Variants in GDPD1 observed in about 807,000 individuals in gnomAD.
GDPD1 encodes the protein glycerophosphodiester phosphodiesterase domain containing 1.
GDPD1 carries 28 observed loss-of-function variants against 45.1 expected under a neutral mutation model. The ratio of observed to expected loss-of-function variants is 0.62; its 90% CI spans 0.46 to 0.85. The LOEUF is 0.85. Ranked by LOEUF, GDPD1 falls within the 40% of genes least tolerant of loss-of-function variation. The pLI, the probability that GDPD1 is intolerant of heterozygous loss-of-function variation, is 0.00. For synonymous variants in GDPD1, 139 were observed against 131.4 expected (o/e 1.06, Z -0.40); for missense variants, 256 against 364.8 (o/e 0.70, Z 2.43).
chr17:59,268,989 CA>C (rs199497488), intron 7 of GDPD1, among the ~76,000 whole-genome samples: 1 of 150,500 alleles, frequency 6.6e-6, no homozygotes, highest in African/African-American at 2.4e-5. Context: ...GACTCCTTCT[CA>C]AAAAAAAATA....
intron 4 of GDPD1, among the ~76,000 whole-genome samples, chr17:59,256,770 C>T (rs1433083353): frequency 6.6e-6 from 1 of 152,050 alleles, no homozygotes; most frequent in Non-Finnish European, 1.5e-5. Context: ...TTATTTCTTA[C>T]AATTGATTGT....
chr17:59,225,155 G>GTT (rs1444399620), intron 1 of GDPD1, among the ~76,000 whole-genome samples: 1 of 133,224 alleles, frequency 7.5e-6, no homozygotes, highest in Non-Finnish European at 1.5e-5. Flanking sequence ...CCAGTGGTAT[G>GTT]ATCTCGGCTC....
intron 9 of GDPD1, 85 bp downstream of exon 9, chr17:59,272,921 T>A: frequency 6.2e-7 from 1 of 1,610,614 alleles, no homozygotes; most frequent in South Asian, 1.1e-5. Flanking sequence ...TTTAACTGAC[T>A]TAGTTTGGCC....
chr17:59,262,566 A>C (rs1450615571), intron 6 of GDPD1, among the ~76,000 whole-genome samples: 2 of 151,938 alleles, frequency 1.3e-5, no homozygotes, highest in Admixed American at 1.3e-4. Flanking sequence ...GGTAGGGTAG[A>C]GAGTGGGTAC....
At chr17:59,247,297 C>G (rs2047219706) in intron 3 of GDPD1, among the ~76,000 whole-genome samples, 1 of 152,074 alleles carries the variant, frequency 6.6e-6, no homozygotes, top group Non-Finnish European at 1.5e-5. Flanking sequence ...TGGTTTTGGA[C>G]AAATTTATAA....
At chr17:59,248,864 A>ATGAC in intron 4 of GDPD1, 79 bp downstream of exon 4, 1 of 1,022,204 alleles carries the variant, frequency 9.8e-7, no homozygotes, top group Non-Finnish European at 1.5e-6. Context: ...AGTTCTTACT[A>ATGAC]AAAGTAACTG....
At chr17:59,223,756 G>C (rs1401611147) in intron 1 of GDPD1, among the ~76,000 whole-genome samples, 1 of 152,114 alleles carries the variant, frequency 6.6e-6, no homozygotes, top group Non-Finnish European at 1.5e-5. Context: ...TCTATTTCTA[G>C]AATATTATGT....
chr17:59,253,571 C>T (rs1483557471), intron 4 of GDPD1, among the ~76,000 whole-genome samples: 1 of 152,142 alleles, frequency 6.6e-6, no homozygotes, highest in Non-Finnish European at 1.5e-5. Flanking sequence ...TTTTCTCATT[C>T]TCTCGCTGTT....
In GDPD1 at chr17:59,259,878, T is replaced by TGAG. The variant is rs1336052611; in HGVS notation, c.576+2041_576+2043dup. On this transcript the variant is annotated intron_variant, in intron 6 of 9. Transcript: ENST00000284116. ...GAGTTTGAGACCAGCCTAGGGAACA[T>TGAG]GAGGAAACCCCATCTCTACTAAAAA... 1.1e-4 allele frequency among the ~76,000 whole-genome samples: 17 copies of TGAG among 150,300 alleles called. 1 individual carries two copies. The South Asian group carries it at 2.1e-3, about 19-fold the overall frequency.
intron 2 of GDPD1, among the ~76,000 whole-genome samples, chr17:59,236,807 A>G (rs1597968480): frequency 6.6e-6 from 1 of 151,838 alleles, no homozygotes; most frequent in East Asian, 2.0e-4. Context: ...ACCGCACCCA[A>G]CCTTTCATAT....
At chr17:59,234,735 A>G (rs956444849) in intron 2 of GDPD1, among the ~76,000 whole-genome samples, 11 of 152,162 alleles carry the variant, frequency 7.2e-5, no homozygotes, top group African/African-American at 2.7e-4. Flanking sequence ...TTACTGAAAA[A>G]GCAGATGGGA....
intron 2 of GDPD1, 78 bp from the exon 3 acceptor site, chr17:59,245,334 ACT>A (rs1360499588): frequency 3.6e-6 from 4 of 1,103,426 alleles, no homozygotes; most frequent in African/African-American, 3.2e-5. Flanking sequence ...TGGATTTGTA[ACT>A]CTGAATTGTT....
At chr17:59,273,116 T>G (rs1326183641) in intron 9 of GDPD1, 3 of 259,892 alleles carry the variant, frequency 1.2e-5, no homozygotes, top group Admixed American at 5.7e-5. Flanking sequence ...TATGTATATT[T>G]CTTTTTTTAC....
chr17:59,269,921 G>T lies in GDPD1; in HGVS notation c.711-1015G>T, dbSNP rs183766939. 9.2e-5 allele frequency among the ~76,000 whole-genome samples: 14 copies of T among 152,142 alleles called. No individual in the cohort carries two copies. In the East Asian group the frequency reaches 2.7e-3, roughly 29 times the overall value. The stretch of plus-strand genomic sequence containing the variant: ...TATTTATCTTCATATGTTCCTTTTA[G>T]AAGCAAATATTGTTGAAATACAGAC... On this transcript the variant is annotated intron_variant, in intron 7 of 9. Coordinates refer to ENST00000284116, the MANE Select transcript of GDPD1 (RefSeq NM_182569.4).
chr17:59,245,629 C>CA (rs1172331800), intron 3 of GDPD1, 80 bp downstream of exon 3: 2 of 1,031,240 alleles, frequency 1.9e-6, no homozygotes, highest in Admixed American at 2.6e-5. Flanking sequence ...CGAATATCAG[C>CA]AAAAAATTTC....
intron 4 of GDPD1, among the ~76,000 whole-genome samples, chr17:59,250,848 C>T (rs917853981): frequency 3.3e-5 from 5 of 151,950 alleles, no homozygotes; most frequent in Non-Finnish European, 5.9e-5. Context: ...TACAGGTACC[C>T]GCCACCATAC....
chr17:59,272,705 C>A, intron 8 of GDPD1, 80 bp from the exon 9 acceptor site: 1 of 810,238 alleles, frequency 1.2e-6, no homozygotes, highest in South Asian at 1.4e-5. Flanking sequence ...TTAAATTAAA[C>A]TGGAATTACT....
chr17:59,250,578 T>C (rs1568344903), intron 4 of GDPD1, among the ~76,000 whole-genome samples: 1 of 142,402 alleles, frequency 7.0e-6, no homozygotes, highest in Non-Finnish European at 1.5e-5. Flanking sequence ...CTCACACCAC[T>C]ATGCTCCAGC....
At chr17:59,220,832 G>T (rs1210703659) in intron 1 of GDPD1, 81 bp downstream of exon 1, 3 of 1,483,722 alleles carry the variant, frequency 2.0e-6, no homozygotes, top group Non-Finnish European at 2.8e-6. Flanking sequence ...GCAGCCGGGT[G>T]CCAATCCCTG....
Sources: allele counts gnomAD v4.1 joint callset (sites outside exome capture counted in the v4.1 genomes callset), GRCh38; gene constraint gnomAD v4.1.1; transcripts MANE v1.5; gene names NCBI Gene and HGNC (gene_info 2026-07-23, HGNC 2026-07-21).